The following PRKG1 variants were observed in gnomAD, a reference collection of about 807,000 sequenced individuals.
PRKG1 encodes cGMP-dependent protein kinase 1.
In PRKG1, 35 loss-of-function variants were observed where a neutral mutation model predicts 88.1. That is an observed-to-expected ratio of 0.40 (90% CI 0.30 to 0.53). The LOEUF (loss-of-function observed/expected upper bound fraction) is 0.53, where lower values mean the gene tolerates loss of function less well. Among genes scored for constraint, PRKG1 ranks in the 20% least tolerant of loss-of-function variants. The probability of loss-of-function intolerance (pLI) is 0.59; values close to 1 mark genes in which losing one functional copy is unlikely to be tolerated. For synonymous variants in PRKG1, 303 were observed against 292.5 expected, an observed-to-expected ratio of 1.04 and a Z score of -0.37; for missense variants, 540 against 839.8, an observed-to-expected ratio of 0.64 and a Z score of 4.41.
chr10:51,854,835 TAAATGTGCAAA>T (rs1402132340), intron 4 of PRKG1, among the ~76,000 whole-genome samples: 3 of 152,082 alleles, frequency 2.0e-5, no homozygotes, highest in Non-Finnish European at 2.9e-5. Context: ...AAAATAAATA[TAAATGTGCAAA>T]AAATGTGCAA....
At chr10:51,854,698 T>G (rs753794286) in intron 4 of PRKG1, among the ~76,000 whole-genome samples, 2 of 152,050 alleles carry the variant, frequency 1.3e-5, no homozygotes, top group Non-Finnish European at 2.9e-5. Flanking sequence ...TAGAGAAAAG[T>G]CTAGGAGGAT....
chr10:51,652,875 TCTC>T (rs1352203316), intron 3 of PRKG1, among the ~76,000 whole-genome samples: 1 of 152,144 alleles, frequency 6.6e-6, no homozygotes, highest in East Asian at 1.9e-4. Flanking sequence ...CATCTCCTCT[TCTC>T]CTACTACTCC....
At chr10:51,010,079 C>T (rs1331082369) in intron 1 of PRKG1, among the ~76,000 whole-genome samples, 1 of 152,176 alleles carries the variant, frequency 6.6e-6, no homozygotes, top group Non-Finnish European at 1.5e-5. Context: ...AGGGTGGCTC[C>T]ACTGGGAAGC....
At position 52,055,336 on chromosome 10, in the gene PRKG1, G is replaced by A. The variant is rs1263321576; in HGVS notation, c.840+775G>A. Among the ~76,000 whole-genome samples the A allele has an allele frequency of 2.6e-5, 4 of 152,228 alleles. No homozygotes were observed. The East Asian group carries it at 7.7e-4, about 29-fold the overall frequency. The stretch of plus-strand genomic sequence containing the variant: ...ATGATAAGGATAGATATACATTAAT[G>A]TTTTAAGTTATTTTCATAAAGAAAT... On this transcript the variant is annotated intron_variant, in intron 6 of 17. Transcript: ENST00000373980.
At chr10:51,599,412 G>C (rs1172319683) in intron 3 of PRKG1, among the ~76,000 whole-genome samples, 1 of 152,116 alleles carries the variant, frequency 6.6e-6, no homozygotes, top group Non-Finnish European at 1.5e-5. Flanking sequence ...TTCTTCCAAA[G>C]TGTTTCCAGA....
intron 2 of PRKG1, among the ~76,000 whole-genome samples, chr10:51,317,915 C>T (rs977741514): frequency 3.9e-5 from 6 of 152,154 alleles, no homozygotes; most frequent in Non-Finnish European, 8.8e-5. Flanking sequence ...GCATTTGTAC[C>T]TGCCATTCTT....
intron 1 of PRKG1, among the ~76,000 whole-genome samples, chr10:51,004,195 GGCTCAT>G (rs1477225585): frequency 6.6e-6 from 1 of 152,136 alleles, no homozygotes; most frequent in African/African-American, 2.4e-5. Context: ...CGGGCACGGT[GGCTCAT>G]GCCTATAATA....
At chr10:52,032,174 T>A (rs1178904505) in intron 5 of PRKG1, among the ~76,000 whole-genome samples, 1 of 152,200 alleles carries the variant, frequency 6.6e-6, no homozygotes, top group Non-Finnish European at 1.5e-5. Context: ...ATTCAAGACT[T>A]CACTTCTCTG....
intron 3 of PRKG1, among the ~76,000 whole-genome samples, chr10:51,764,048 G>A (rs1838092945): frequency 1.3e-5 from 2 of 152,128 alleles, no homozygotes; most frequent in African/African-American, 4.8e-5. Context: ...ATCTCTCAAT[G>A]CTGCCACATT....
chr10:51,692,397 C>T (rs903590796), intron 3 of PRKG1, among the ~76,000 whole-genome samples: 18 of 152,060 alleles, frequency 1.2e-4, no homozygotes, highest in Admixed American at 1.0e-3. Flanking sequence ...TGCCCACCAC[C>T]ACGCCCCTGG....
chr10:51,200,576 G>C (rs1478411039), intron 2 of PRKG1, among the ~76,000 whole-genome samples: 3 of 152,166 alleles, frequency 2.0e-5, no homozygotes, highest in African/African-American at 4.8e-5. Context: ...CAGGAAACAA[G>C]TCTTATTGAT....
chr10:52,167,929 T>C (rs1308861967), intron 9 of PRKG1, among the ~76,000 whole-genome samples: 1 of 152,194 alleles, frequency 6.6e-6, no homozygotes, highest in Non-Finnish European at 1.5e-5. Context: ...TCAAAATCTA[T>C]GTGAAGCCTC....
intron 9 of PRKG1, among the ~76,000 whole-genome samples, chr10:52,229,870 A>T (rs1256028703): frequency 6.6e-6 from 1 of 152,174 alleles, no homozygotes; most frequent in Non-Finnish European, 1.5e-5. Flanking sequence ...TCAAAAAGGG[A>T]GCCTTCACCT....
chr10:52,120,226 C>A (rs1217145625), intron 7 of PRKG1, among the ~76,000 whole-genome samples: 1 of 152,160 alleles, frequency 6.6e-6, no homozygotes, highest in Non-Finnish European at 1.5e-5. Context: ...TCCCACCACT[C>A]AATACTGTTG....
At chr10:51,981,129 CT>C (rs1203784776) in intron 5 of PRKG1, among the ~76,000 whole-genome samples, 2 of 152,170 alleles carry the variant, frequency 1.3e-5, no homozygotes, top group East Asian at 3.9e-4. Flanking sequence ...CAGTAATGGT[CT>C]TTTCTCTTCA....
chr10:51,629,334 T>C (rs1839465413), intron 3 of PRKG1, among the ~76,000 whole-genome samples: 1 of 152,060 alleles, frequency 6.6e-6, no homozygotes, highest in Admixed American at 6.6e-5. Flanking sequence ...GGGCATTACA[T>C]TTATTGTACA....
At chr10:51,403,815 G>A (rs970098954) in intron 2 of PRKG1, among the ~76,000 whole-genome samples, 1 of 152,068 alleles carries the variant, frequency 6.6e-6, no homozygotes, top group Admixed American at 6.6e-5. Context: ...CTTGGTTTCT[G>A]TAATCTATGT....
intron 3 of PRKG1, among the ~76,000 whole-genome samples, chr10:51,776,895 C>T (rs1209813113): frequency 6.6e-6 from 1 of 152,078 alleles, no homozygotes; most frequent in Non-Finnish European, 1.5e-5. Context: ...CAAGAGCAAA[C>T]ATGGTCTTAG....
At chr10:51,525,271 A>AAAGG (rs754015819) in intron 3 of PRKG1, among the ~76,000 whole-genome samples, 6 of 151,608 alleles carry the variant, frequency 4.0e-5, no homozygotes, top group African/African-American at 7.3e-5. Context: ...GGAAGGAAAA[A>AAAGG]AAGGAAGGAA....
Sources: allele counts gnomAD v4.1 joint callset (sites outside exome capture counted in the v4.1 genomes callset), GRCh38; gene constraint gnomAD v4.1.1; transcripts MANE v1.5; gene names NCBI Gene and HGNC (gene_info 2026-07-23, HGNC 2026-07-21).